The following PSD3 variants were observed in gnomAD, a reference collection of about 807,000 sequenced individuals.
PSD3 encodes pleckstrin and Sec7 domain containing 3.
PSD3 carries 49 observed loss-of-function variants against 105.5 expected under a neutral mutation model. The ratio of observed to expected loss-of-function variants is 0.46; its 90% CI spans 0.37 to 0.59. The LOEUF (loss-of-function observed/expected upper bound fraction) is 0.59. Ranked by LOEUF, PSD3 falls within the 20% of genes least tolerant of loss-of-function variation. PSD3 has a pLI of 0.00. For missense variants in PSD3, 1,561 were observed against 1,263.8 expected, an observed-to-expected ratio of 1.24 and a Z score of -3.57; for synonymous variants, 557 against 457.8, an observed-to-expected ratio of 1.22 and a Z score of -2.77.
chr8:18,757,741 G>A (rs1412261486), intron 9 of PSD3, among the ~76,000 whole-genome samples: 3 of 152,082 alleles, frequency 2.0e-5, no homozygotes, highest in African/African-American at 7.2e-5. Context: ...AATATCCAGA[G>A]TAAAACATGA....
At chr8:18,599,128 C>T (rs994223858) in intron 12 of PSD3, among the ~76,000 whole-genome samples, 1 of 152,060 alleles carries the variant, frequency 6.6e-6, no homozygotes, top group Admixed American at 6.5e-5. Context: ...AAGAACAAAG[C>T]TGTAGGCCTC....
chr8:18,965,911 T>C (rs1418416142), intron 1 of PSD3, among the ~76,000 whole-genome samples: 4 of 152,172 alleles, frequency 2.6e-5, no homozygotes, highest in Non-Finnish European at 5.9e-5. Context: ...ACACCCGGGG[T>C]TTGGGCTTTT....
At chr8:18,765,118 C>T (rs1041859946) in intron 9 of PSD3, among the ~76,000 whole-genome samples, 3 of 152,102 alleles carry the variant, frequency 2.0e-5, no homozygotes, top group African/African-American at 2.4e-5. Context: ...ACTCTGTTTC[C>T]GTAGTGCATA....
At chr8:18,590,037 G>A (rs549945932) in intron 12 of PSD3, among the ~76,000 whole-genome samples, 1 of 151,678 alleles carries the variant, frequency 6.6e-6, no homozygotes, top group East Asian at 1.9e-4. Flanking sequence ...ACAAAAACAA[G>A]CAAAGAAAAC....
At chr8:19,014,901 A>AG (rs1419771730), upstream of PSD3, among the ~76,000 whole-genome samples, 3 of 152,144 alleles carry the variant, frequency 2.0e-5, no homozygotes, top group Non-Finnish European at 4.4e-5. This position sits in a 1 kb window ranked among gnomAD's most constrained non-coding sequence, Gnocchi z 4.9. Flanking sequence ...AGCCAGCATG[A>AG]GGGAGTGTAT....
intron 15 of PSD3, among the ~76,000 whole-genome samples, chr8:18,538,321 T>C (rs762651345): frequency 2.6e-5 from 4 of 152,238 alleles, no homozygotes; most frequent in Non-Finnish European, 4.4e-5. Flanking sequence ...GGCCACATGA[T>C]AGTTTCATAA....
Position 18,755,429 on chromosome 8 carries a change from C to CAACATAACATAACATAACATAACAT in PSD3, c.2172+9995_2172+10019dup, listed in dbSNP as rs372407715. Among the ~76,000 whole-genome samples the CAACATAACATAACATAACATAACAT allele has an allele frequency of 2.6e-3, 353 of 136,882 alleles. 4 individuals are homozygous for CAACATAACATAACATAACATAACAT. The highest frequency in any genetic ancestry group is 3.3e-3 in the Admixed American group (44 of 13,408). 89.8% of individuals were successfully genotyped at this position (136,882 alleles called of 152,430 possible). A position where few individuals can be genotyped will look rare whatever the true frequency, so the allele number is the denominator to read the frequency against. ...TGGGCAACAGAGTGAGACCCTGTCT[C>CAACATAACATAACATAACATAACAT]AACATAACATAACATAACATAACAT... On this transcript the variant is annotated intron_variant, in intron 9 of 15. Coordinates refer to ENST00000327040, the MANE Select transcript of PSD3 (RefSeq NM_015310.4).
chr8:18,890,190 C>CATAA (rs1181243289), intron 2 of PSD3, among the ~76,000 whole-genome samples: 1 of 151,878 alleles, frequency 6.6e-6, no homozygotes, highest in Non-Finnish European at 1.5e-5. Flanking sequence ...AACAATAATT[C>CATAA]CTTATGTAAA....
At chr8:18,828,612 G>A (rs981275821) in intron 4 of PSD3, among the ~76,000 whole-genome samples, 7 of 151,840 alleles carry the variant, frequency 4.6e-5, no homozygotes, top group African/African-American at 1.7e-4. Flanking sequence ...ACCAGCCTGG[G>A]CAACATGGTG....
intron 1 of PSD3, among the ~76,000 whole-genome samples, chr8:18,973,946 GCA>G (rs1213280875): frequency 1.3e-5 from 2 of 152,158 alleles, no homozygotes; most frequent in African/African-American, 4.8e-5. Flanking sequence ...GCCTGCTCTT[GCA>G]CAGTGTCACA....
chr8:18,988,122 T>C (rs1028896319), intron 1 of PSD3, among the ~76,000 whole-genome samples: 1 of 151,602 alleles, frequency 6.6e-6, no homozygotes, highest in Non-Finnish European at 1.5e-5. Context: ...TACATATATA[T>C]ATATACACAT....
At chr8:18,992,312 A>AT (rs74711108) in intron 1 of PSD3, among the ~76,000 whole-genome samples, 45,089 of 151,354 alleles carry the variant, frequency 0.3, 7,732 homozygotes, top group Middle Eastern at 0.5. Flanking sequence ...TGATACTTAA[A>AT]AAAAAAAAAA....
rs572463180 is a variant in PSD3 at position 18,720,689 on chromosome 8, C to G, written c.2172+44760G>C. On this transcript the variant is annotated intron_variant, in intron 9 of 15. Transcript: ENST00000327040. ...TTTAGTACAAACCCATCCTCCCTGC[C>G]TGGCCACCCCCACAGTGCTCTGCAG... is the stretch of plus-strand genomic sequence containing the variant. Among the ~76,000 whole-genome samples the G allele has an allele frequency of 1.2e-4, 18 of 152,246 alleles. No homozygotes were observed. In the South Asian group the frequency reaches 3.7e-3, roughly 32 times the overall value.
At chr8:18,884,779 A>T (rs1381252517) in intron 2 of PSD3, among the ~76,000 whole-genome samples, 4 of 152,222 alleles carry the variant, frequency 2.6e-5, no homozygotes, top group African/African-American at 9.6e-5. Flanking sequence ...CATACTAATG[A>T]TTCAGAACCC....
At chr8:18,946,038 G>C (rs993439383) in intron 1 of PSD3, among the ~76,000 whole-genome samples, 1 of 152,162 alleles carries the variant, frequency 6.6e-6, no homozygotes, top group African/African-American at 2.4e-5. Flanking sequence ...CTGCTTTCAA[G>C]TACAAATGAG....
At chr8:18,539,918 T>A (rs912090142) in intron 15 of PSD3, among the ~76,000 whole-genome samples, 4 of 152,162 alleles carry the variant, frequency 2.6e-5, no homozygotes, top group Non-Finnish European at 4.4e-5. Context: ...CAAGTGGTCA[T>A]CATGGACCCA....
rs145989046 is a variant in PSD3 at position 19,013,545 on chromosome 8, C to T, written c.21+18G>A. ...CCGCGTGCGCACCCCGCGCCCGCGC[C>T]CCGGCCCCGGAGCTCACCGCTGCGC... On this transcript the variant is annotated intron_variant, in intron 1 of 15. Transcript: ENST00000327040. 2.6e-5 allele frequency: 41 copies of T among 1,571,464 alleles called. No individual in the cohort carries two copies. The highest frequency in any genetic ancestry group is 3.4e-5 in the Non-Finnish European group (40 of 1,167,272).
At chr8:19,064,681 T>C (rs1586684650) in intron 1 of PSD3, among the ~76,000 whole-genome samples, 1 of 152,178 alleles carries the variant, frequency 6.6e-6, no homozygotes, top group Non-Finnish European at 1.5e-5. Context: ...TTTAAAAACG[T>C]TAGGAATAAA....
At chr8:18,830,610 C>T (rs1313742645) in intron 4 of PSD3, among the ~76,000 whole-genome samples, 1 of 152,206 alleles carries the variant, frequency 6.6e-6, no homozygotes, top group Non-Finnish European at 1.5e-5. Flanking sequence ...CAATCAATCA[C>T]TTTCATTTGT....
Sources: gnomAD v4.1 joint callset for allele counts (sites outside exome capture counted in the v4.1 genomes callset) on GRCh38, gnomAD v4.1.1 for gene constraint, Gnocchi (gnomAD v3.1) non-coding constraint, MANE v1.5 for transcripts, NCBI Gene and HGNC (gene_info 2026-07-23, HGNC 2026-07-21) for gene names.